KCNB2: variants seen among roughly 807,000 people sequenced by gnomAD.
KCNB2 encodes delayed rectifier potassium channel protein.
Under a neutral mutation model 61.5 loss-of-function variants are expected in KCNB2, and 15 were observed. The ratio of observed to expected loss-of-function variants is 0.24; its 90% CI spans 0.16 to 0.38. The LOEUF is 0.38. Among genes scored for constraint, KCNB2 ranks in the 10% least tolerant of loss-of-function variants. The probability of loss-of-function intolerance (pLI) is 1.00; values close to 1 mark genes in which losing one functional copy is unlikely to be tolerated. For missense variants in KCNB2, 828 were observed against 1,125.2 expected (o/e 0.74, Z 3.78); for synonymous variants, 457 against 446.0 (o/e 1.02, Z -0.31).
intron 2 of KCNB2, among the ~76,000 whole-genome samples, chr8:72,675,519 A>ATTT (rs536932692): frequency 3.5e-4 from 51 of 145,710 alleles, no homozygotes; most frequent in African/African-American, 9.5e-4. Flanking sequence ...CTGCAGTCGG[A>ATTT]TTTTTTTTTT....
chr8:72,711,092 C>T (rs1025546260), intron 2 of KCNB2, among the ~76,000 whole-genome samples: 9 of 152,222 alleles, frequency 5.9e-5, no homozygotes, highest in African/African-American at 2.2e-4. Context: ...CTGCAGGACC[C>T]TGACTGATGG....
chr8:72,578,321 T>C (rs1472205827), intron 2 of KCNB2, among the ~76,000 whole-genome samples: 4 of 152,182 alleles, frequency 2.6e-5, no homozygotes, highest in Admixed American at 2.6e-4. Context: ...GGTGATAATT[T>C]GCCATACTAC....
At chr8:72,898,405 C>T (rs1391060742) in intron 2 of KCNB2, among the ~76,000 whole-genome samples, 1 of 151,730 alleles carries the variant, frequency 6.6e-6, no homozygotes, top group African/African-American at 2.4e-5. Context: ...AACTAACCTG[C>T]ACGTTGTGTA....
intron 2 of KCNB2, among the ~76,000 whole-genome samples, chr8:72,723,526 T>A (rs1453901086): frequency 6.6e-6 from 1 of 152,158 alleles, no homozygotes; most frequent in African/African-American, 2.4e-5. Context: ...GAAGTGATTG[T>A]CCTCTTGGCC....
Position 72,765,992 on chromosome 8 carries a change from T to A in KCNB2, c.580-169943T>A, listed in dbSNP as rs182674930. 2.1e-3 allele frequency among the ~76,000 whole-genome samples: 313 copies of A among 152,354 alleles called. 2 individuals carry two copies. The highest frequency in any genetic ancestry group is 7.3e-3 in the African/African-American group (303 of 41,582). ...TAGAGACAGATATTTTTCTCTTTCA[T>A]TCTTAATGCTGCTTCTCAAAGAATG... is the stretch of plus-strand genomic sequence containing the variant. On this transcript the variant is annotated intron_variant, in intron 2 of 2. Transcript: ENST00000523207.
At chr8:72,667,453 C>A (rs900050140) in intron 2 of KCNB2, among the ~76,000 whole-genome samples, 4 of 151,516 alleles carry the variant, frequency 2.6e-5, no homozygotes, top group Non-Finnish European at 4.4e-5. Context: ...AATTTGAATT[C>A]TTTTTTTTTA....
intron 2 of KCNB2, among the ~76,000 whole-genome samples, chr8:72,817,350 G>T (rs1302374383): frequency 6.6e-6 from 1 of 152,148 alleles, no homozygotes; most frequent in African/African-American, 2.4e-5. Context: ...TAGGACTGAA[G>T]AATAGACACT....
chr8:72,632,268 G>GA (rs1382930322), intron 2 of KCNB2, among the ~76,000 whole-genome samples: 1 of 151,682 alleles, frequency 6.6e-6, no homozygotes, highest in African/African-American at 2.4e-5. Flanking sequence ...GGGGGCAATG[G>GA]AAAAAAATCA....
intron 2 of KCNB2, among the ~76,000 whole-genome samples, chr8:72,696,611 C>T (rs895479996): frequency 6.6e-6 from 1 of 151,978 alleles, no homozygotes; most frequent in Non-Finnish European, 1.5e-5. Context: ...TGGAAGAACC[C>T]GTGGATGGAG....
chr8:72,746,382 A>C (rs1387390546), intron 2 of KCNB2, among the ~76,000 whole-genome samples: 1 of 152,190 alleles, frequency 6.6e-6, no homozygotes, highest in Non-Finnish European at 1.5e-5. Flanking sequence ...GAGAGTGGTC[A>C]TAAATAGAAC....
At chr8:72,538,329 T>A (rs187334950) in intron 1 of KCNB2, among the ~76,000 whole-genome samples, 154 of 151,208 alleles carry the variant, frequency 1.0e-3, no homozygotes, top group Non-Finnish European at 1.6e-3. Flanking sequence ...GCACGATTCC[T>A]GAGAGGGAGA....
chr8:72,784,652 T>C (rs1349209801), intron 2 of KCNB2, among the ~76,000 whole-genome samples: 1 of 152,176 alleles, frequency 6.6e-6, no homozygotes, highest in Non-Finnish European at 1.5e-5. Context: ...GAGCACTCAC[T>C]ATTACGAGAA....
intron 2 of KCNB2, among the ~76,000 whole-genome samples, chr8:72,892,987 A>AT (rs1563415596): frequency 1.3e-5 from 2 of 151,978 alleles, no homozygotes; most frequent in African/African-American, 4.8e-5. Flanking sequence ...ATATTTAATG[A>AT]TTTTGTCCTG....
intron 2 of KCNB2, among the ~76,000 whole-genome samples, chr8:72,870,169 C>A (rs549413545): frequency 1.4e-4 from 21 of 152,124 alleles, no homozygotes; most frequent in African/African-American, 4.1e-4. Context: ...AAGTAGAATG[C>A]TGGTTGCCAG....
At chr8:72,594,323 G>A (rs1247358965) in intron 2 of KCNB2, among the ~76,000 whole-genome samples, 2 of 152,030 alleles carry the variant, frequency 1.3e-5, no homozygotes, top group Admixed American at 1.3e-4. Context: ...CTGCCACTGA[G>A]CATTATTCAA....
intron 2 of KCNB2, among the ~76,000 whole-genome samples, chr8:72,771,306 C>T (rs1808553823): frequency 6.6e-6 from 1 of 152,164 alleles, no homozygotes; most frequent in South Asian, 2.1e-4. Context: ...TTTGCTGTGG[C>T]ATTTTCTTAA....
intron 2 of KCNB2, among the ~76,000 whole-genome samples, chr8:72,572,950 A>G (rs905885875): frequency 6.6e-6 from 1 of 152,154 alleles, no homozygotes; most frequent in African/African-American, 2.4e-5. Flanking sequence ...CTGAAGGGCC[A>G]GGAGACCTTA....
chr8:72,591,529 A>G (rs528869996), intron 2 of KCNB2, among the ~76,000 whole-genome samples: 2 of 152,330 alleles, frequency 1.3e-5, no homozygotes, highest in Admixed American at 6.5e-5. Context: ...TGGCAAAACC[A>G]TAGAATTTCA....
chr8:72,754,428 G>T (rs568267347), intron 2 of KCNB2, among the ~76,000 whole-genome samples: 9 of 152,246 alleles, frequency 5.9e-5, no homozygotes, highest in Admixed American at 3.3e-4. Flanking sequence ...CACAACAGGA[G>T]TCTAGTCTGC....
Sources: gnomAD v4.1 joint callset for allele counts (sites outside exome capture counted in the v4.1 genomes callset) on GRCh38, gnomAD v4.1.1 for gene constraint, MANE v1.5 for transcripts, NCBI Gene and HGNC (gene_info 2026-07-23, HGNC 2026-07-21) for gene names.